Variants in NTN4 observed in about 807,000 individuals in gnomAD.
NTN4 encodes netrin-4.
A neutral mutation model predicts 73.6 loss-of-function variants in NTN4; 32 were observed. The observed-to-expected ratio is 0.44, with a 90% CI of 0.33 to 0.58. The LOEUF (loss-of-function observed/expected upper bound fraction) is 0.58. Among genes scored for constraint, NTN4 ranks in the 20% least tolerant of loss-of-function variants. The pLI is 0.04. For synonymous variants in NTN4, 258 were observed against 287.5 expected, an observed-to-expected ratio of 0.90 and a Z score of 1.04; for missense variants, 654 against 798.3, an observed-to-expected ratio of 0.82 and a Z score of 2.18.
intron 3 of NTN4, among the ~76,000 whole-genome samples, chr12:95,731,987 C>T (rs1350131299): frequency 1.3e-5 from 2 of 152,152 alleles, no homozygotes; most frequent in Non-Finnish European, 2.9e-5. Context: ...AGTAGGCATT[C>T]AGTAAGGGGT....
chr12:95,681,541 G>A (rs1428701665), intron 7 of NTN4, among the ~76,000 whole-genome samples: 3 of 152,104 alleles, frequency 2.0e-5, no homozygotes, highest in Non-Finnish European at 4.4e-5. Context: ...TGGAGCATTT[G>A]GTGAGCACTT....
chr12:95,702,698 A>G (rs138722168), intron 5 of NTN4, among the ~76,000 whole-genome samples: 14 of 152,276 alleles, frequency 9.2e-5, no homozygotes, highest in African/African-American at 3.1e-4. Flanking sequence ...AGAATGTAAC[A>G]TCTCTTAGGG....
chr12:95,765,320 C>A (rs1000581393), intron 2 of NTN4, among the ~76,000 whole-genome samples: 1 of 152,286 alleles, frequency 6.6e-6, no homozygotes, highest in East Asian at 1.9e-4. Context: ...ATCTAACTCC[C>A]ACTCTATTAT....
intron 2 of NTN4, among the ~76,000 whole-genome samples, chr12:95,763,091 T>G (rs1306014235): frequency 6.6e-6 from 1 of 152,192 alleles, no homozygotes; most frequent in Admixed American, 6.5e-5. Context: ...GTTTATTAGT[T>G]CAAACTTTAC....
chr12:95,775,937 C>T (rs942776663), intron 2 of NTN4, among the ~76,000 whole-genome samples: 4 of 152,208 alleles, frequency 2.6e-5, no homozygotes, highest in African/African-American at 4.8e-5. Context: ...ACAACTCACA[C>T]GGCCGGGTAC....
chr12:95,710,458 G>A lies in NTN4; in HGVS notation c.1163C>T (p.Ala388Val). ...FYRDLRRPFS[A>V]PDACKPCSCH... ...TTACTTACGTTTGCAAGCATCTGGA[G>A]CTGAGAAGGGTCTCCGCAGGTCACG... is the stretch of plus-strand genomic sequence containing the variant. Residue 388 changes from alanine to valine, a missense_variant, in exon 5 of 10, where the codon GCT becomes GTT. Transcript: ENST00000343702. 1 of 1,613,384 alleles carries A rather than the reference G, an allele frequency of 6.2e-7. No individual in the cohort carries two copies. Among genetic ancestry groups the A allele is most frequent in the Non-Finnish European group, 8.5e-7 (1 of 1,179,614 alleles).
At chr12:95,752,814 C>T (rs879147564) in intron 2 of NTN4, among the ~76,000 whole-genome samples, 9 of 152,338 alleles carry the variant, frequency 5.9e-5, no homozygotes, top group Admixed American at 6.5e-5. Context: ...CTGCGTGCAG[C>T]GGCTGCCGCT....
At chr12:95,666,622 T>G (rs1185556564) in intron 8 of NTN4, among the ~76,000 whole-genome samples, 1 of 152,212 alleles carries the variant, frequency 6.6e-6, no homozygotes, top group African/African-American at 2.4e-5. Context: ...CTACCACATC[T>G]AAACAGAGAG....
rs1283321406 is a variant in NTN4, at chr12:95,704,201, CAG to C, written c.1180+6238_1180+6239del. ...ATGCGGCTGGTCTGCAGACCACACA[CAG>C]AGTAGCAGTTTGCTTTTCTGCCTTG... On this transcript the variant is annotated intron_variant, in intron 5 of 9. Transcript: ENST00000343702. 7.9e-5 allele frequency among the ~76,000 whole-genome samples: 12 copies of C among 152,266 alleles called. No individual in the cohort carries two copies. The East Asian group carries it at 1.4e-3, about 17-fold the overall frequency.
rs12310921 is a variant in NTN4 at position 95,781,767 on chromosome 12, T to G, written c.585+5172A>C. ...AATAGAAAAATAAAAATAGCAAACC[T>G]TCCCCTGCCAGCATTCCCCATCCCC... is the stretch of plus-strand genomic sequence containing the variant. On this transcript the variant is annotated intron_variant, in intron 2 of 9. Transcript: ENST00000343702. The surrounding 1 kb of genome is among the most constrained non-coding windows in gnomAD (Gnocchi z 4.1). Among the ~76,000 whole-genome samples the G allele has an allele frequency of 0.016, 2,430 of 152,260 alleles. 56 individuals are homozygous for G. The highest frequency in any genetic ancestry group is 0.056 in the African/African-American group (2,332 of 41,530).
chr12:95,721,698 T>A (rs1317589079), intron 3 of NTN4, among the ~76,000 whole-genome samples: 2 of 152,228 alleles, frequency 1.3e-5, no homozygotes, highest in African/African-American at 4.8e-5. Flanking sequence ...TAAATCTAGT[T>A]ATGAAGAATA....
intron 3 of NTN4, 92 bp downstream of exon 3, chr12:95,737,774 A>G: frequency 1.6e-6 from 2 of 1,269,288 alleles, no homozygotes; most frequent in Non-Finnish European, 2.2e-6. Flanking sequence ...GGAAAAAATC[A>G]GCAGCACTAT....
At chr12:95,778,973 C>G (rs959954429) in intron 2 of NTN4, among the ~76,000 whole-genome samples, 2 of 152,202 alleles carry the variant, frequency 1.3e-5, no homozygotes, top group African/African-American at 4.8e-5. Flanking sequence ...ATCAAGTGAG[C>G]TTCATCCCTG....
chr12:95,682,420 C>A (rs1385623819), intron 7 of NTN4, among the ~76,000 whole-genome samples: 1 of 120,128 alleles, frequency 8.3e-6, no homozygotes. Flanking sequence ...TTTTGGGTGA[C>A]CTCTTTTTTT....
intron 2 of NTN4, among the ~76,000 whole-genome samples, chr12:95,783,978 A>G (rs2079149605): frequency 6.6e-6 from 1 of 152,210 alleles, no homozygotes; most frequent in Non-Finnish European, 1.5e-5. Context: ...TTCTGAATGA[A>G]CATTGGAAAC....
intron 3 of NTN4, among the ~76,000 whole-genome samples, chr12:95,717,384 T>C (rs1318380286): frequency 1.3e-5 from 2 of 152,158 alleles, no homozygotes; most frequent in Non-Finnish European, 2.9e-5. Flanking sequence ...CAATTCCCTC[T>C]ACAGCGAGGA....
intron 5 of NTN4, among the ~76,000 whole-genome samples, chr12:95,701,771 T>C (rs1037570865): frequency 6.6e-6 from 1 of 152,168 alleles, no homozygotes; most frequent in East Asian, 1.9e-4. Flanking sequence ...TCCTAGAACA[T>C]TCGTGGAACC....
intron 5 of NTN4, among the ~76,000 whole-genome samples, chr12:95,687,952 C>T (rs1401174355): frequency 3.3e-5 from 5 of 151,986 alleles, no homozygotes; most frequent in African/African-American, 9.7e-5. Context: ...TGAGTGTACA[C>T]TGAGTAGAAA....
At chr12:95,710,761 T>C in intron 4 of NTN4, 132 bp from the exon 5 acceptor site, 1 of 787,594 alleles carries the variant, frequency 1.3e-6, no homozygotes, top group South Asian at 2.0e-5. Context: ...CCAGCACTTG[T>C]GGGAGGCTGA....
Sources: gnomAD v4.1 joint callset for allele counts (sites outside exome capture counted in the v4.1 genomes callset) on GRCh38, gnomAD v4.1.1 for gene constraint, Gnocchi (gnomAD v3.1) non-coding constraint, MANE v1.5 for transcripts, NCBI Gene and HGNC (gene_info 2026-07-23, HGNC 2026-07-21) for gene names.